Variants in SAMD11 observed in about 807,000 individuals in gnomAD.
SAMD11 encodes sterile alpha motif domain containing 11.
SAMD11 carries 77 observed loss-of-function variants against 64.4 expected under a neutral mutation model. That is an observed-to-expected ratio of 1.20 (90% CI 0.99 to 1.44). The LOEUF (loss-of-function observed/expected upper bound fraction) is 1.44. Among genes scored for constraint, SAMD11 ranks in the 40% most tolerant of loss-of-function variants. The pLI, the probability that SAMD11 is intolerant of heterozygous loss-of-function variation, is 0.00. For missense variants in SAMD11, 1,402 were observed against 943.3 expected, an observed-to-expected ratio of 1.49 and a Z score of -6.37; for synonymous variants, 658 against 421.9, an observed-to-expected ratio of 1.56 and a Z score of -6.86.
chr1:943,155 C>G lies in SAMD11; in HGVS notation c.2053+97C>G. The G allele has an allele frequency of 2.5e-6, 4 of 1,589,404 alleles. No individual in the cohort carries two copies. The South Asian group carries it at 4.6e-5, about 18-fold the overall frequency. On this transcript the variant is annotated intron_variant, in intron 11 of 13. Coordinates refer to ENST00000616016, the MANE Select transcript of SAMD11 (RefSeq NM_001385641.1). The stretch of plus-strand genomic sequence containing the variant: ...GGGGAGGAAAAATTCCCCTTAGGCA[C>G]CCATCCCCCACCTCAGCAATTGGGG...
rs2100361659 is a variant in SAMD11 at position 943,062 on chromosome 1, G to C, written c.2053+4G>C. On this transcript the variant is annotated splice_donor_region_variant and intron_variant, in intron 11 of 13. Coordinates refer to ENST00000616016, the MANE Select transcript of SAMD11 (RefSeq NM_001385641.1). Reference sequence around the variant, plus strand: ...GTCAGCCCCTACTTCCACACAGGTGGGCACCCCCACACTCTAGATCCTTCC... The same window carrying C: ...GTCAGCCCCTACTTCCACACAGGTGCGCACCCCCACACTCTAGATCCTTCC... The C allele has an allele frequency of 6.5e-7, 1 of 1,535,550 alleles. No homozygotes were observed. Among genetic ancestry groups the C allele is most frequent in the East Asian group, 2.3e-5 (1 of 43,488 alleles).
rs1284671730 is a variant in SAMD11 at position 942,852 on chromosome 1, C to T, written c.1847C>T (p.Ala616Val). 2.1e-5 allele frequency: 33 copies of T among 1,552,208 alleles called. No individual in the cohort carries two copies. The highest frequency in any genetic ancestry group is 3.6e-5 in the South Asian group (3 of 84,236). The change falls in exon 11 of 14, where the codon GCT (alanine) becomes GTT (valine). Residue 616 changes from alanine (A) to valine (V), a missense_variant. By Grantham distance (64) the Ala-to-Val change is moderately conservative. Transcript: ENST00000616016. The part of the protein sequence containing the change: ...RPSESKEMTG[A>V]RLWAQDGSED... ...AGCGAGTCCAAGGAGATGACGGGGGCTAGGCTCTGGGCACAAGATGGCTCG... is the reference window on the plus strand; with the variant it reads ...AGCGAGTCCAAGGAGATGACGGGGGTTAGGCTCTGGGCACAAGATGGCTCG...
rs1337175560 is a variant in SAMD11, at chr1:924,637, C to T, written c.206C>T (p.Pro69Leu). ...YEALLAPPLRPPRAYLSLHEA... is the reference protein window; with the variant it reads ...YEALLAPPLRLPRAYLSLHEA... ...GCTCTGCTGGCCCCGCCGCTCCGCC[C>T]CCCGCGCGCCTACCTCAGCCTGCAC... The change falls in exon 1 of 14, where the codon CCC becomes CTC. Residue 69 changes from proline to leucine, a missense_variant. Physicochemically the swap from Pro to Leu is moderately conservative, Grantham distance 98 (BLOSUM62 -3). Transcript: ENST00000616016. The T allele has an allele frequency of 6.6e-6, 1 of 152,228 alleles. No homozygotes were observed. The highest frequency in any genetic ancestry group is 1.5e-5 in the Non-Finnish European group (1 of 67,978). 9.4% of individuals were successfully genotyped at this position (152,228 alleles called of 1,614,324 possible). A position where few individuals can be genotyped will look rare whatever the true frequency, so the allele number is the denominator to read the frequency against.
intron 2 of SAMD11, among the ~76,000 whole-genome samples, chr1:927,449 C>CA (rs60606816): frequency 1.3e-5 from 2 of 152,210 alleles, no homozygotes; most frequent in African/African-American, 4.8e-5. Context: ...GATGCCCCCC[C>CA]ACCTGGGGCT....
chr1:927,977 GCTCCATTCCCAGCCAGCCCTGGC>G (rs1466567413), intron 2 of SAMD11, among the ~76,000 whole-genome samples: 10 of 152,246 alleles, frequency 6.6e-5, no homozygotes, highest in African/African-American at 2.4e-4. Flanking sequence ...TACAGCCTGG[GCTCCATTCCCAGCCAGCCCTGGC>G]CTCCTTCCAA....
chr1:938,584 G>A (rs1641582404), intron 5 of SAMD11, among the ~76,000 whole-genome samples: 1 of 152,220 alleles, frequency 6.6e-6, no homozygotes, highest in Admixed American at 6.5e-5. Flanking sequence ...TCACAGAGCA[G>A]CAAGAGGTCA....
In SAMD11 at chr1:942,950, C is replaced by G. The variant is rs558420095; in HGVS notation, c.1945C>G (p.Pro649Ala). The G allele has an allele frequency of 1.9e-5, 29 of 1,547,654 alleles. No individual in the cohort carries two copies. The South Asian group carries it at 3.3e-4, about 18-fold the overall frequency. Reference sequence around the variant, plus strand: ...AGCTGTTGGGTGCAGGGGGCCCACTCCGGGCCAAGCTCCAGCTGGAGGGGC... The same window carrying G: ...AGCTGTTGGGTGCAGGGGGCCCACTGCGGGCCAAGCTCCAGCTGGAGGGGC... The part of the protein sequence containing the change: ...TAAVGCRGPT[P>A]GQAPAGGAGA... The change falls in exon 11 of 14, where the codon CCG (proline) becomes GCG (alanine). Residue 649 changes from proline (P) to alanine (A), a missense_variant. By Grantham distance (27) the Pro-to-Ala change is conservative. Coordinates refer to ENST00000616016, the MANE Select transcript of SAMD11 (RefSeq NM_001385641.1).
At chr1:936,015 T>TC in intron 5 of SAMD11, 119 bp downstream of exon 5, 1 of 1,063,368 alleles carries the variant, frequency 9.4e-7, no homozygotes, top group Non-Finnish European at 1.4e-6. Flanking sequence ...GAGCGGCCTG[T>TC]CCCCCAGGGG....
In SAMD11 at chr1:944,468, A is replaced by ACTTCAGCAGCCCACAGCTGTGGGG. The variant is rs977384679; in HGVS notation, c.*327_*350dup. On this transcript the variant is annotated 3_prime_UTR_variant, in exon 14 of 14. Coordinates refer to ENST00000616016, the MANE Select transcript of SAMD11 (RefSeq NM_001385641.1). ...CAGGGTCAGCTCCCCCGCGGAGCTG[A>ACTTCAGCAGCCCACAGCTGTGGGG]CTTCAGCAGCCCACAGCTGTGGGGC... is the stretch of plus-strand genomic sequence containing the variant. 37 of 747,724 alleles carry ACTTCAGCAGCCCACAGCTGTGGGG rather than the reference A, an allele frequency of 4.9e-5. No individual in the cohort carries two copies. The Admixed American group carries it at 9.9e-4, about 20-fold the overall frequency. The allele number at this position is 747,724 out of a possible 1,614,324, so 46.3% of individuals were successfully genotyped here.
Position 942,649 on chromosome 1 carries a change from C to T in SAMD11, c.1644C>T (p.Asn548=), listed in dbSNP as rs532223862. ...LLAPETALRP[N]DGAEELQRRG... is the part of the protein sequence containing the mutation. ...CGCCCGAGACCGCCCTGCGCCCCAA[C>T]GACGGCGCCGAGGAGCTGCAGCGGC... The change falls in exon 11 of 14, where the codon AAC becomes AAT. Residue 548 remains asparagine (N), a synonymous_variant. Coordinates refer to ENST00000616016, the MANE Select transcript of SAMD11 (RefSeq NM_001385641.1). 4,001 of 1,435,920 alleles carry T rather than the reference C, an allele frequency of 2.8e-3. 4 individuals are homozygous for T. The highest frequency in any genetic ancestry group is 0.011 in the Middle Eastern group (43 of 4,038). The allele number at this position is 1,435,920 out of a possible 1,614,324, so 88.9% of individuals were successfully genotyped here. A position where few individuals can be genotyped will look rare whatever the true frequency, so the allele number is the denominator to read the frequency against.
In SAMD11 at chr1:942,802, T is replaced by C. The variant is rs1156985866; in HGVS notation, c.1797T>C (p.Gly599=). Residue 599 remains glycine (G), a synonymous_variant, in exon 11 of 14, where the codon GGT becomes GGC. Coordinates refer to ENST00000616016, the MANE Select transcript of SAMD11 (RefSeq NM_001385641.1). ...DSARRAPRKG[G]PGPASARPSE... ...CCCGGCGAGCCCCCCGGAAGGGGGG[T>C]CCCGGCCCTGCCTCAGCGCGGCCCA... 2.6e-6 allele frequency: 4 copies of C among 1,542,250 alleles called. No individual in the cohort carries two copies. Among genetic ancestry groups the C allele is most frequent in the Non-Finnish European group, 3.5e-6 (4 of 1,144,370 alleles).
intron 4 of SAMD11, among the ~76,000 whole-genome samples, chr1:935,351 G>A (rs1188876655): frequency 1.3e-5 from 2 of 152,008 alleles, no homozygotes; most frequent in Non-Finnish European, 2.9e-5. Context: ...GTCAGGGGAT[G>A]GTTCACATGT....
intron 4 of SAMD11, among the ~76,000 whole-genome samples, chr1:932,572 G>A (rs1641220145): frequency 6.6e-6 from 1 of 151,844 alleles, no homozygotes; most frequent in Non-Finnish European, 1.5e-5. Flanking sequence ...CAGAGCGGGT[G>A]GTGGTCCCTG....
intron 11 of SAMD11, 93 bp downstream of exon 11, chr1:943,151 G>T (rs1297606624): frequency 7.6e-6 from 12 of 1,586,428 alleles, no homozygotes; most frequent in Non-Finnish European, 1.0e-5. Flanking sequence ...ATTCCCCTTA[G>T]GCACCCATCC....
chr1:931,570 C>T (rs995347605), intron 4 of SAMD11, among the ~76,000 whole-genome samples: 7 of 152,050 alleles, frequency 4.6e-5, no homozygotes, highest in African/African-American at 1.7e-4. Flanking sequence ...GTAGGAGGGA[C>T]GAGGAGTGAA....
intron 8 of SAMD11, 46 bp downstream of exon 8, chr1:941,352 C>A: frequency 6.9e-7 from 1 of 1,450,816 alleles, no homozygotes; most frequent in South Asian, 1.4e-5. Flanking sequence ...GGGTGCCGCC[C>A]GCACCCCCGC....
chr1:942,266 G>A lies in SAMD11; in HGVS notation c.1474+15G>A, dbSNP rs1641821335. 5 of 1,107,908 alleles carry A rather than the reference G, an allele frequency of 4.5e-6. No individual in the cohort carries two copies. In the African/African-American group the frequency reaches 4.9e-5, roughly 11 times the overall value. 68.6% of individuals were successfully genotyped at this position (1,107,908 alleles called of 1,614,324 possible). On this transcript the variant is annotated intron_variant, in intron 9 of 13. Coordinates refer to ENST00000616016, the MANE Select transcript of SAMD11 (RefSeq NM_001385641.1). Reference sequence around the variant, plus strand: ...CCAGACCCCAGGTGAGGAGGCGGGTGCGCATCCCCTGGGAGCCCGCGTGGA... The same window carrying A: ...CCAGACCCCAGGTGAGGAGGCGGGTACGCATCCCCTGGGAGCCCGCGTGGA...
chr1:941,769 G>T (rs1370466947), intron 8 of SAMD11, among the ~76,000 whole-genome samples: 1 of 152,090 alleles, frequency 6.6e-6, no homozygotes, highest in Non-Finnish European at 1.5e-5. Context: ...TGAGGCCCGA[G>T]TCCCTGCCCG....
chr1:938,683 G>A (rs928422697), intron 5 of SAMD11, among the ~76,000 whole-genome samples: 1 of 152,200 alleles, frequency 6.6e-6, no homozygotes, highest in African/African-American at 2.4e-5. Context: ...AGGGGAAGGT[G>A]GTGCCTGGTC....
Sources: gnomAD v4.1 joint callset for allele counts (sites outside exome capture counted in the v4.1 genomes callset) on GRCh38, gnomAD v4.1.1 for gene constraint, MANE v1.5 for transcripts, NCBI Gene and HGNC (gene_info 2026-07-23, HGNC 2026-07-21) for gene names.